MKNK1: variants seen among roughly 807,000 people sequenced by gnomAD.
MKNK1 encodes the protein MAPK interacting serine/threonine kinase 1.
MKNK1 carries 30 observed loss-of-function variants against 49.3 expected under a neutral mutation model. The ratio of observed to expected loss-of-function variants is 0.61; its 90% CI spans 0.46 to 0.83. MKNK1 has a LOEUF of 0.83. Ranked by LOEUF, MKNK1 falls within the 40% of genes least tolerant of loss-of-function variation. The probability of loss-of-function intolerance (pLI) is 0.00; values close to 1 mark genes in which losing one functional copy is unlikely to be tolerated. For synonymous variants in MKNK1, 176 were observed against 201.7 expected, an observed-to-expected ratio of 0.87 and a Z score of 1.08; for missense variants, 423 against 524.7, an observed-to-expected ratio of 0.81 and a Z score of 1.89.
rs117439413 is a variant in MKNK1 at position 46,594,378 on chromosome 1, G to T, written c.-170-98C>A. 3,057 of 576,258 alleles carry T rather than the reference G, an allele frequency of 5.3e-3. 65 individuals carry two copies. The highest frequency in any genetic ancestry group is 0.048 in the East Asian group (1,596 of 33,320). The allele number at this position is 576,258 out of a possible 1,614,324, so 35.7% of individuals were successfully genotyped here. A position where few individuals can be genotyped will look rare whatever the true frequency, so the allele number is the denominator to read the frequency against. On this transcript the variant is annotated intron_variant, in intron 1 of 12. Coordinates refer to ENST00000371945, the MANE Select transcript of MKNK1 (RefSeq NM_001135553.4). The stretch of plus-strand genomic sequence containing the variant: ...ATCTGAACGTGCCCCAAACCTATGA[G>T]TTACCCCACTAAGTAGATATACACG...
At position 46,589,392 on chromosome 1, in the gene MKNK1, G is replaced by A. The variant is rs765401351; in HGVS notation, c.-3+4721C>T. On this transcript the variant is annotated intron_variant, in intron 2 of 12. Transcript: ENST00000371945. The surrounding 1 kb of genome is among the most constrained non-coding windows in gnomAD (Gnocchi z 4.3). ...AGGCCTGGAGGAGGGACACAGGGCCGGTGGGGGCCACTGGTGATCACTCAG... is the reference window on the plus strand; with the variant it reads ...AGGCCTGGAGGAGGGACACAGGGCCAGTGGGGGCCACTGGTGATCACTCAG... 7.2e-5 allele frequency among the ~76,000 whole-genome samples: 11 copies of A among 152,164 alleles called. No homozygotes were observed. Among genetic ancestry groups the A allele is most frequent in the East Asian group, 1.9e-4 (1 of 5,198 alleles).
intron 2 of MKNK1, chr1:46,586,347 T>C: frequency 4.8e-6 from 1 of 209,260 alleles, no homozygotes; most frequent in South Asian, 8.3e-5. Flanking sequence ...ACAGAGACTC[T>C]GGAAGTCAGT....
rs1208770821 is a variant in MKNK1 at position 46,589,518 on chromosome 1, G to A, written c.-3+4595C>T. Among the ~76,000 whole-genome samples the A allele has an allele frequency of 6.6e-6, 1 of 152,204 alleles. No individual in the cohort carries two copies. Among genetic ancestry groups the A allele is most frequent in the Non-Finnish European group, 1.5e-5 (1 of 68,030 alleles). On this transcript the variant is annotated intron_variant, in intron 2 of 12. Transcript: ENST00000371945. This position sits in a 1 kb window ranked among gnomAD's most constrained non-coding sequence, Gnocchi z 4.3. ...TAAATGTCTCCATTCCTAGGCATAC[G>A]TTTATCTTGTTTTCTCCATTAAAAT... is the stretch of plus-strand genomic sequence containing the variant.
intron 10 of MKNK1, 41 bp downstream of exon 10, chr1:46,562,608 C>T: frequency 6.5e-7 from 1 of 1,536,344 alleles, no homozygotes; most frequent in Non-Finnish European, 8.8e-7. Flanking sequence ...CACACTGACC[C>T]CTAGCAGGGT....
intron 2 of MKNK1, among the ~76,000 whole-genome samples, chr1:46,590,169 T>C (rs1475225793): frequency 6.6e-6 from 1 of 151,970 alleles, no homozygotes; most frequent in African/African-American, 2.4e-5. Flanking sequence ...CCAAAACAAA[T>C]GGAGAACGGA....
At chr1:46,560,130 G>T in intron 12 of MKNK1, 104 bp downstream of exon 12, 2 of 1,316,836 alleles carry the variant, frequency 1.5e-6, no homozygotes, top group Non-Finnish European at 2.2e-6. Context: ...GAGCCCCTTT[G>T]GAGAAAGCTA....
intron 3 of MKNK1, among the ~76,000 whole-genome samples, chr1:46,580,895 T>C (rs1219690902): frequency 6.6e-6 from 1 of 152,154 alleles, no homozygotes; most frequent in Non-Finnish European, 1.5e-5. Flanking sequence ...TTCCTGAATA[T>C]CTACTATGTG....
chr1:46,599,851 C>T (rs1570347490), intron 1 of MKNK1, among the ~76,000 whole-genome samples: 4 of 152,300 alleles, frequency 2.6e-5, no homozygotes, highest in Admixed American at 2.6e-4. Context: ...GTATGTAAAG[C>T]AACCAGCATA....
At chr1:46,588,028 C>A (rs1242646557) in intron 2 of MKNK1, among the ~76,000 whole-genome samples, 1 of 152,184 alleles carries the variant, frequency 6.6e-6, no homozygotes, top group African/African-American at 2.4e-5. Context: ...TTATCATAAT[C>A]TCAAAAGGTA....
intron 2 of MKNK1, among the ~76,000 whole-genome samples, chr1:46,591,821 A>G (rs1405813479): frequency 6.6e-6 from 1 of 152,224 alleles, no homozygotes; most frequent in Non-Finnish European, 1.5e-5. Context: ...GGTTTGCCGC[A>G]GAAGTACTTT....
chr1:46,588,546 G>A lies in MKNK1; in HGVS notation c.-2-5217C>T, dbSNP rs1429899965. ...TTCTTGGCCGGGCGTGGTGGCTCAC[G>A]CCTGTAATCCCAGCACTTTGGGAGG... is the stretch of plus-strand genomic sequence containing the variant. On this transcript the variant is annotated intron_variant, in intron 2 of 12. Transcript: ENST00000371945. Among the ~76,000 whole-genome samples the A allele has an allele frequency of 7.2e-5, 11 of 152,110 alleles. No individual in the cohort carries two copies. In the East Asian group the frequency reaches 1.7e-3, roughly 24 times the overall value.
chr1:46,571,205 G>T (rs1670064590), intron 7 of MKNK1, among the ~76,000 whole-genome samples: 2 of 152,202 alleles, frequency 1.3e-5, no homozygotes, highest in Admixed American at 1.3e-4. Context: ...TAACCTGTGA[G>T]TTACCAATGT....
intron 1 of MKNK1, among the ~76,000 whole-genome samples, chr1:46,603,094 G>C (rs540378936): frequency 6.6e-6 from 1 of 152,154 alleles, no homozygotes; most frequent in African/African-American, 2.4e-5. Flanking sequence ...ATGGGCAGAG[G>C]GGGCACCAAA....
chr1:46,572,164 G>T lies in MKNK1; in HGVS notation c.356C>A (p.Ser119Tyr). Reference protein sequence around the residue: ...YLVFEKLQGGSILAHIQKQKH... With the variant: ...YLVFEKLQGGYILAHIQKQKH... The stretch of plus-strand genomic sequence containing the variant: ...TTGCTTCTGGATGTGGGCTAAGATG[G>T]AACCTGGGGAGCAGAGGGGACATAG... Residue 119 changes from serine to tyrosine, a missense_variant, in exon 7 of 13, where the codon TCC (serine) becomes TAC (tyrosine). Ser to Tyr is a moderately radical substitution (Grantham distance 144, BLOSUM62 -2). Coordinates refer to ENST00000371945, the MANE Select transcript of MKNK1 (RefSeq NM_001135553.4). 1 of 1,613,900 alleles carries T rather than the reference G, an allele frequency of 6.2e-7. No individual in the cohort carries two copies. Among genetic ancestry groups the T allele is most frequent in the Non-Finnish European group, 8.5e-7 (1 of 1,179,834 alleles).
At chr1:46,593,230 GCT>G (rs1230620298) in intron 2 of MKNK1, among the ~76,000 whole-genome samples, 1 of 152,104 alleles carries the variant, frequency 6.6e-6, no homozygotes, top group South Asian at 2.1e-4. Context: ...CTACGGTCTC[GCT>G]CTGTCATCCA....
chr1:46,584,930 G>A (rs1672290710), intron 2 of MKNK1: 2 of 151,928 alleles, frequency 1.3e-5, no homozygotes, highest in Non-Finnish European at 1.5e-5. Flanking sequence ...ATATATCTGG[G>A]GACTGCAACA....
At chr1:46,582,925 TG>T in intron 3 of MKNK1, 1 of 550,372 alleles carries the variant, frequency 1.8e-6, no homozygotes, top group South Asian at 1.5e-5. Context: ...GAATCACATC[TG>T]AAAAAAGGAA....
At chr1:46,582,767 C>A in intron 3 of MKNK1, 1 of 418,998 alleles carries the variant, frequency 2.4e-6, no homozygotes, top group Non-Finnish European at 4.8e-6. Flanking sequence ...TAGTCAAACA[C>A]ACACAGCATA....
intron 1 of MKNK1, among the ~76,000 whole-genome samples, chr1:46,598,105 T>C (rs1013562554): frequency 6.6e-6 from 1 of 151,994 alleles, no homozygotes; most frequent in Non-Finnish European, 1.5e-5. Flanking sequence ...TCATGGAAAA[T>C]GGAACAAGAA....
Sources: gnomAD v4.1 joint callset for allele counts (sites outside exome capture counted in the v4.1 genomes callset) on GRCh38, gnomAD v4.1.1 for gene constraint, Gnocchi (gnomAD v3.1) non-coding constraint, MANE v1.5 for transcripts, NCBI Gene and HGNC (gene_info 2026-07-23, HGNC 2026-07-21) for gene names.